The following SRSF5 variants were observed in gnomAD, a reference collection of about 807,000 sequenced individuals.
The protein encoded by SRSF5 is serine/arginine-rich splicing factor 5.
A neutral mutation model predicts 34.0 loss-of-function variants in SRSF5; 5 were observed. The ratio of observed to expected loss-of-function variants is 0.15; its 90% CI spans 0.08 to 0.31. SRSF5 has a LOEUF of 0.31. Ranked by LOEUF, SRSF5 falls within the 10% of genes least tolerant of loss-of-function variation. The pLI is 1.00. For synonymous variants in SRSF5, 164 were observed against 117.7 expected, an observed-to-expected ratio of 1.39 and a Z score of -2.55; for missense variants, 223 against 351.4, an observed-to-expected ratio of 0.63 and a Z score of 2.92.
At chr14:69,768,929 T>G in intron 4 of SRSF5, 33 bp downstream of exon 4, 1 of 1,592,014 alleles carries the variant, frequency 6.3e-7, no homozygotes, top group Non-Finnish European at 8.6e-7. Context: ...CATTGAACAA[T>G]TATTGTAGGG....
At chr14:69,768,090 C>A in intron 1 of SRSF5, 48 bp from the exon 2 acceptor site, 1 of 1,600,622 alleles carries the variant, frequency 6.2e-7, no homozygotes, top group African/African-American at 1.3e-5. Flanking sequence ...TCAGGCGTTT[C>A]TCTGTGACAG....
Position 69,771,579 on chromosome 14 carries a change from G to A in SRSF5, c.*118G>A. 2 of 622,196 alleles carry A rather than the reference G, an allele frequency of 3.2e-6. No homozygotes were observed. The highest frequency in any genetic ancestry group is 1.8e-5 in the South Asian group (1 of 55,934). The allele number at this position is 622,196 out of a possible 1,614,324, so 38.5% of individuals were successfully genotyped here. ...TGCTTTTCTGTGGGGGTGGGATTTGGAAGGGGGGTTGGGTTGGGCTGGATA... is the reference window on the plus strand; with the variant it reads ...TGCTTTTCTGTGGGGGTGGGATTTGAAAGGGGGGTTGGGTTGGGCTGGATA... On this transcript the variant is annotated 3_prime_UTR_variant, in exon 8 of 8. Coordinates refer to ENST00000557154, the MANE Select transcript of SRSF5 (RefSeq NM_001320214.2).
chr14:69,771,280 G>A lies in SRSF5; in HGVS notation c.638G>A (p.Ser213Asn). The A allele has an allele frequency of 6.2e-7, 1 of 1,614,124 alleles. No individual in the cohort carries two copies. The change falls in exon 8 of 8, where the codon AGC becomes AAC. Residue 213 changes from serine to asparagine, a missense_variant. Around this residue, in one of 4 missense-constraint regions of SRSF5, gnomAD observed 115 missense variants for 119.7 expected, o/e 0.96. Transcript: ENST00000557154. ...CGTTCCCGTAGTCGCAAATCTTACA[G>A]CCGGTCAAGAAGCAGGAGCAGGAGC... Reference protein sequence around the residue: ...RSRSRSRKSYSRSRSRSRSRS... With the variant: ...RSRSRSRKSYNRSRSRSRSRS...
At chr14:69,769,118 C>T (rs1041927971) in intron 4 of SRSF5, 64 bp from the exon 5 acceptor site, 32 of 1,586,390 alleles carry the variant, frequency 2.0e-5, no homozygotes, top group Non-Finnish European at 2.3e-5. Flanking sequence ...TGAACTTGCC[C>T]ACAGTTGAAC....
chr14:69,770,871 A>T (rs1883120473), intron 6 of SRSF5, 124 bp from the exon 7 acceptor site: 1 of 879,622 alleles, frequency 1.1e-6, no homozygotes, highest in African/African-American at 1.7e-5. Context: ...TGTGTTATCC[A>T]GAAATAAGAC....
At chr14:69,770,944 T>C in intron 6 of SRSF5, 51 bp from the exon 7 acceptor site, 1 of 1,484,694 alleles carries the variant, frequency 6.7e-7, no homozygotes, top group Non-Finnish European at 9.3e-7. Context: ...GTGTGCAATG[T>C]GTGAGACTAC....
chr14:69,771,476 GC>G lies in SRSF5; in HGVS notation c.*18del. The G allele has an allele frequency of 6.3e-7, 1 of 1,583,256 alleles. No individual in the cohort carries two copies. Among genetic ancestry groups the G allele is most frequent in the East Asian group, 2.2e-5 (1 of 44,548 alleles). On this transcript the variant is annotated 3_prime_UTR_variant, in exon 8 of 8. Coordinates refer to ENST00000557154, the MANE Select transcript of SRSF5 (RefSeq NM_001320214.2). ...GTGGCAATTAAACTGTAAATAACTTGCCCTGGGGGCCTTTTTTTAAAAAACA... is the reference window on the plus strand; with the variant it reads ...GTGGCAATTAAACTGTAAATAACTTGCCTGGGGGCCTTTTTTTAAAAAACA...
At chr14:69,769,150 C>T (rs759725960) in intron 4 of SRSF5, 32 bp from the exon 5 acceptor site, 4 of 1,612,864 alleles carry the variant, frequency 2.5e-6, no homozygotes, top group South Asian at 1.1e-5. Flanking sequence ...CATTGCATTT[C>T]TTCCATTGTG....
At chr14:69,770,584 A>AT (rs1883081217) in intron 6 of SRSF5, 44 bp downstream of exon 6, 1 of 1,547,250 alleles carries the variant, frequency 6.5e-7, no homozygotes, top group Admixed American at 1.8e-5. Flanking sequence ...TATCCGGAAA[A>AT]TTTTACTGTG....
chr14:69,768,576 T>A, intron 2 of SRSF5, 28 bp from the exon 3 acceptor site: 1 of 1,606,692 alleles, frequency 6.2e-7, no homozygotes, highest in Non-Finnish European at 8.5e-7. Flanking sequence ...CTAAAGCCAA[T>A]GTTAAGAGTC....
At chr14:69,770,149 A>G in intron 5 of SRSF5, 1 of 1,069,680 alleles carries the variant, frequency 9.3e-7, no homozygotes. Context: ...TACTTTAAAA[A>G]TATGTACTGT....
At chr14:69,768,001 A>G (rs1219354451) in intron 1 of SRSF5, 137 bp from the exon 2 acceptor site, 6 of 977,226 alleles carry the variant, frequency 6.1e-6, no homozygotes, top group South Asian at 1.6e-5. Context: ...ACCTGGCCTC[A>G]TTAGAGGCTC....
rs368622920 is a variant in SRSF5 at position 69,768,391 on chromosome 14, C to T, written c.126+109C>T. ...AATATTTGCCTTCAGAAAATGTTAC[C>T]CAGCCTTATGTCTGAATTTTATTGA... On this transcript the variant is annotated intron_variant, in intron 2 of 7. Transcript: ENST00000557154. 1.2e-5 allele frequency: 18 copies of T among 1,487,500 alleles called. No homozygotes were observed. The East Asian group carries it at 3.4e-4, about 28-fold the overall frequency. The allele number at this position is 1,487,500 out of a possible 1,614,324, so 92.1% of individuals were successfully genotyped here.
In SRSF5 at chr14:69,771,761, G is replaced by T; in HGVS notation, c.*300G>T. On this transcript the variant is annotated 3_prime_UTR_variant, in exon 8 of 8. Transcript: ENST00000557154. ...TAACTAAAGCAAATTTAATTTTTTT[G>T]TACTAGAAAAAAATTTGAACATTTT... 1 of 259,270 alleles carries T rather than the reference G, an allele frequency of 3.9e-6. No individual in the cohort carries two copies. Among genetic ancestry groups the T allele is most frequent in the Non-Finnish European group, 7.3e-6 (1 of 137,006 alleles). The allele number at this position is 259,270 out of a possible 1,614,324, so 16.1% of individuals were successfully genotyped here. A position where few individuals can be genotyped will look rare whatever the true frequency, so the allele number is the denominator to read the frequency against.
At chr14:69,769,020 G>A in intron 4 of SRSF5, 124 bp downstream of exon 4, 1 of 1,295,990 alleles carries the variant, frequency 7.7e-7, no homozygotes, top group Non-Finnish European at 1.1e-6. Flanking sequence ...TCCCACGTTA[G>A]CCAGTTGTTC....
chr14:69,770,798 G>GA (rs1167441645), intron 6 of SRSF5, 197 bp from the exon 7 acceptor site: 1 of 649,892 alleles, frequency 1.5e-6, no homozygotes, highest in Admixed American at 3.0e-5. Context: ...GGTGCATAGG[G>GA]AACCCCCTCA....
intron 1 of SRSF5, 111 bp downstream of exon 1, chr14:69,767,366 C>A (rs757575139): frequency 2.2e-6 from 1 of 455,860 alleles, no homozygotes; most frequent in Non-Finnish European, 4.4e-6. Flanking sequence ...GTCTAATGAG[C>A]GCAGTTGATT....
At chr14:69,767,315 G>C (rs1436936570) in intron 1 of SRSF5, 60 bp downstream of exon 1, 2 of 448,798 alleles carry the variant, frequency 4.5e-6, no homozygotes, top group South Asian at 1.6e-5. Flanking sequence ...TGGCCGCTCA[G>C]ATCGTGAGCG....
At position 69,771,745 on chromosome 14, in the gene SRSF5, C is replaced by A; in HGVS notation, c.*284C>A. The stretch of plus-strand genomic sequence containing the variant: ...TGACAGAGCTCTTTTATAACTAAAG[C>A]AAATTTAATTTTTTTGTACTAGAAA... On this transcript the variant is annotated 3_prime_UTR_variant, in exon 8 of 8. Coordinates refer to ENST00000557154, the MANE Select transcript of SRSF5 (RefSeq NM_001320214.2). 1 of 291,140 alleles carries A rather than the reference C, an allele frequency of 3.4e-6. No homozygotes were observed. Among genetic ancestry groups the A allele is most frequent in the Non-Finnish European group, 6.3e-6 (1 of 157,546 alleles). The allele number at this position is 291,140 out of a possible 1,614,324, so 18.0% of individuals were successfully genotyped here.
Sources: allele counts gnomAD v4.1 joint callset, GRCh38; gene constraint gnomAD v4.1.1; regional missense constraint gnomAD v4.1.1; transcripts MANE v1.5; gene names NCBI Gene and HGNC (gene_info 2026-07-23, HGNC 2026-07-21).